VDR: variants seen among roughly 807,000 people sequenced by gnomAD.
VDR encodes the protein vitamin D receptor, also known as vitamin D3 receptor.
A neutral mutation model predicts 39.7 loss-of-function variants in VDR; 19 were observed. The observed-to-expected ratio is 0.48, with a 90% confidence interval of 0.33 to 0.70. VDR has a LOEUF of 0.70. Among genes scored for constraint, VDR ranks in the 30% least tolerant of loss-of-function variants. VDR has a pLI of 0.02. For synonymous variants in VDR, 242 were observed against 215.8 expected, an observed-to-expected ratio of 1.12 and a Z score of -1.07; for missense variants, 442 against 570.5, an observed-to-expected ratio of 0.77 and a Z score of 2.29.
intron 1 of VDR, among the ~76,000 whole-genome samples, chr12:47,904,134 A>G (rs1416076384): frequency 6.6e-6 from 1 of 151,998 alleles, no homozygotes. Flanking sequence ...GAGAAGGAGG[A>G]GGAACTGTGA....
rs140594720 is a variant in VDR, at chr12:47,869,939, A to T, written c.147-4762T>A. The stretch of plus-strand genomic sequence containing the variant: ...AGAGAAAGTACTGGGGGTAAAAAAA[A>T]AGTTTGGCGCCCTTGCTTCTGCTTA... On this transcript the variant is annotated intron_variant, in intron 3 of 9. Transcript: ENST00000549336. 5.3e-3 allele frequency among the ~76,000 whole-genome samples: 803 copies of T among 152,278 alleles called. 5 individuals are homozygous for T. Among genetic ancestry groups the T allele is most frequent in the Middle Eastern group, 0.01 (3 of 294 alleles).
intron 6 of VDR, among the ~76,000 whole-genome samples, chr12:47,856,074 C>T (rs2137143175): frequency 6.6e-6 from 1 of 152,292 alleles, no homozygotes; most frequent in African/African-American, 2.4e-5. Context: ...GGATCTCAAT[C>T]AAGAAAGAAT....
chr12:47,871,306 CT>C (rs1213291758), intron 3 of VDR, among the ~76,000 whole-genome samples: 1 of 127,412 alleles, frequency 7.8e-6, no homozygotes, highest in African/African-American at 3.0e-5. Flanking sequence ...TTCTTTCTTT[CT>C]TTCTTTCTTT....
chr12:47,886,031 G>T (rs1592143706), intron 1 of VDR, among the ~76,000 whole-genome samples: 1 of 152,218 alleles, frequency 6.6e-6, no homozygotes, highest in Non-Finnish European at 1.5e-5. Context: ...TCTCTGCCAG[G>T]TTGGGACTGG....
At chr12:47,881,374 C>A (rs928863980) in intron 2 of VDR, among the ~76,000 whole-genome samples, 2 of 152,076 alleles carry the variant, frequency 1.3e-5, no homozygotes, top group Non-Finnish European at 2.9e-5. Flanking sequence ...GAAAAACAAC[C>A]TATTGAGTAC....
At chr12:47,858,944 G>A (rs2137150212) in intron 4 of VDR, among the ~76,000 whole-genome samples, 1 of 152,306 alleles carries the variant, frequency 6.6e-6, no homozygotes, top group East Asian at 1.9e-4. Flanking sequence ...GCAGGAAAGC[G>A]AGCGCTACTG....
intron 4 of VDR, among the ~76,000 whole-genome samples, chr12:47,863,968 C>A (rs976834068): frequency 3.3e-5 from 5 of 152,206 alleles, no homozygotes; most frequent in Non-Finnish European, 7.3e-5. Flanking sequence ...CTTCCTGTTA[C>A]CTGACCTCTC....
intron 7 of VDR, among the ~76,000 whole-genome samples, chr12:47,855,295 T>A (rs1945458783): frequency 6.6e-6 from 1 of 151,568 alleles, no homozygotes; most frequent in South Asian, 2.1e-4. Context: ...GCCACTGCAC[T>A]CCAGCCTGGG....
chr12:47,899,925 A>T, intron 1 of VDR: 1 of 985,586 alleles, frequency 1.0e-6, no homozygotes, highest in Non-Finnish European at 1.2e-6. Flanking sequence ...GCTAGAGTCC[A>T]TTTCTCCGTC....
intron 2 of VDR, among the ~76,000 whole-genome samples, chr12:47,881,090 ATGTG>A (rs71726777): frequency 1.6e-5 from 2 of 124,750 alleles, no homozygotes; most frequent in Admixed American, 7.8e-5. Context: ...AATACAGTAT[ATGTG>A]TGTGTGTGTG....
intron 2 of VDR, 131 bp downstream of exon 2, chr12:47,882,563 G>A: frequency 4.0e-6 from 3 of 751,554 alleles, no homozygotes; most frequent in South Asian, 3.2e-5. Flanking sequence ...GCTGGCCCGG[G>A]ACCCACCTTG....
At chr12:47,856,053 G>C (rs1005087401) in intron 6 of VDR, among the ~76,000 whole-genome samples, 1 of 152,236 alleles carries the variant, frequency 6.6e-6, no homozygotes, top group Non-Finnish European at 1.5e-5. Context: ...CAGACTGTGT[G>C]CTGTTCCTAT....
chr12:47,891,227 C>T (rs1280934411), intron 1 of VDR, among the ~76,000 whole-genome samples: 1 of 152,222 alleles, frequency 6.6e-6, no homozygotes, highest in Non-Finnish European at 1.5e-5. Flanking sequence ...AGAGCCCATT[C>T]CTGTCTCCTT....
chr12:47,885,872 G>A (rs1049250719), intron 1 of VDR, among the ~76,000 whole-genome samples: 1 of 152,104 alleles, frequency 6.6e-6, no homozygotes, highest in Non-Finnish European at 1.5e-5. Context: ...GACCTTAAAT[G>A]AGATGAAGCT....
chr12:47,881,249 GA>G (rs993698572), intron 2 of VDR, among the ~76,000 whole-genome samples: 43 of 151,922 alleles, frequency 2.8e-4, no homozygotes, highest in Non-Finnish European at 4.6e-4. Context: ...GCCAGAAACA[GA>G]AAACAAAATA....
At chr12:47,862,093 TA>T (rs1489737139) in intron 4 of VDR, among the ~76,000 whole-genome samples, 18 of 152,368 alleles carry the variant, frequency 1.2e-4, no homozygotes, top group Admixed American at 3.9e-4. Flanking sequence ...AGAAAAGACA[TA>T]CATCTGTAAA....
intron 2 of VDR, among the ~76,000 whole-genome samples, chr12:47,882,181 G>C (rs776720459): frequency 6.6e-6 from 1 of 152,168 alleles, no homozygotes; most frequent in Non-Finnish European, 1.5e-5. Flanking sequence ...TATGCTGGGG[G>C]TGAAGGCTGG....
chr12:47,852,104 G>A (rs1426425341), intron 7 of VDR, among the ~76,000 whole-genome samples: 1 of 152,222 alleles, frequency 6.6e-6, no homozygotes, highest in Non-Finnish European at 1.5e-5. Flanking sequence ...GAAGGGGGCA[G>A]CATTGGAGTA....
At chr12:47,892,257 C>T (rs900350876) in intron 1 of VDR, among the ~76,000 whole-genome samples, 2 of 152,214 alleles carry the variant, frequency 1.3e-5, no homozygotes, top group East Asian at 1.9e-4. Flanking sequence ...CCAAACGTAC[C>T]GTCTCCATCT....
Sources: gnomAD v4.1 joint callset for allele counts (sites outside exome capture counted in the v4.1 genomes callset) on GRCh38, gnomAD v4.1.1 for gene constraint, MANE v1.5 for transcripts, NCBI Gene and HGNC (gene_info 2026-07-23, HGNC 2026-07-21) for gene names.